Variants in PCMT1 observed in about 807,000 individuals in gnomAD.
The protein encoded by PCMT1 is protein-L-isoaspartate (D-aspartate) O-methyltransferase.
A neutral mutation model predicts 29.2 loss-of-function variants in PCMT1; 9 were observed. The observed-to-expected ratio is 0.31, with a 90% CI of 0.19 to 0.54. PCMT1 has a LOEUF of 0.54. Among genes scored for constraint, PCMT1 ranks in the 20% least tolerant of loss-of-function variants. PCMT1 has a pLI of 0.95. For missense variants in PCMT1, 184 were observed against 282.2 expected (o/e 0.65, Z 2.49); for synonymous variants, 98 against 97.5 (o/e 1.00, Z -0.03).
At chr6:149,796,554 G>T in intron 6 of PCMT1, 54 bp downstream of exon 6, 1 of 1,209,204 alleles carries the variant, frequency 8.3e-7, no homozygotes, top group South Asian at 1.3e-5. Context: ...AACTCTACAA[G>T]ACTTAAATAG....
rs1488074260 is a variant in PCMT1 at position 149,789,964 on chromosome 6, C to T, written c.203C>T (p.Ala68Val). 3.1e-6 allele frequency: 5 copies of T among 1,604,278 alleles called. No homozygotes were observed. The highest frequency in any genetic ancestry group is 1.1e-5 in the South Asian group (1 of 88,996). Residue 68 changes from alanine (A) to valine (V), a missense_variant, in exon 4 of 8, where the codon GCG becomes GTG. By Grantham distance (64) the Ala-to-Val change is moderately conservative. Coordinates refer to ENST00000464889, the MANE Select transcript of PCMT1 (RefSeq NM_001360452.2). ...TISAPHMHAY[A>V]LELLFDQLHE... ...GTTTTCTTTTGGCAGCATGCATATG[C>T]GCTAGAACTTCTATTTGATCAGTTG...
chr6:149,793,637 C>T lies in PCMT1; in HGVS notation c.386C>T (p.Thr129Ile), dbSNP rs771551236. 5 of 1,564,396 alleles carry T rather than the reference C, an allele frequency of 3.2e-6. No individual in the cohort carries two copies. In the African/African-American group the frequency reaches 4.2e-5, roughly 13 times the overall value. The change falls in exon 5 of 8, where the codon ACA becomes ATA. Residue 129 changes from threonine (T) to isoleucine (I), a missense_variant. Physicochemically the swap from Thr to Ile is moderately conservative, Grantham distance 89. Transcript: ENST00000464889. Reference sequence around the variant, plus strand: ...AATAATGTCAGGAAGGACGATCCAACACTTCTGTCTTCAGGGAGAGTACAG... The same window carrying T: ...AATAATGTCAGGAAGGACGATCCAATACTTCTGTCTTCAGGGAGAGTACAG... ...SVNNVRKDDP[T>I]LLSSGRVQLV... is the part of the protein sequence containing the mutation.
At chr6:149,750,267 T>C in intron 1 of PCMT1, 1 of 368,704 alleles carries the variant, frequency 2.7e-6, no homozygotes, top group Non-Finnish European at 4.9e-6. Flanking sequence ...GTCACTCAGG[T>C]CCGCGTCCGG....
At chr6:149,753,395 C>T (rs1343375155) in intron 1 of PCMT1, among the ~76,000 whole-genome samples, 3 of 151,848 alleles carry the variant, frequency 2.0e-5, no homozygotes, top group Non-Finnish European at 4.4e-5. Context: ...TGCAATGGCA[C>T]GATCTCAGCT....
At chr6:149,767,650 C>T (rs558704403) in intron 1 of PCMT1, among the ~76,000 whole-genome samples, 1 of 152,050 alleles carries the variant, frequency 6.6e-6, no homozygotes, top group South Asian at 2.1e-4. Context: ...GATGGGGTCT[C>T]TTCGTGTTGC....
At chr6:149,789,066 A>ATTTTTTTTTTTTT (rs56661461) in intron 3 of PCMT1, among the ~76,000 whole-genome samples, 2 of 90,476 alleles carry the variant, frequency 2.2e-5, no homozygotes, top group Non-Finnish European at 3.9e-5. Flanking sequence ...ATTGGATCTG[A>ATTTTTTTTTTTTT]TTTTTTTTTT....
At chr6:149,779,341 T>G (rs11155683) in intron 3 of PCMT1, among the ~76,000 whole-genome samples, 1 of 151,908 alleles carries the variant, frequency 6.6e-6, no homozygotes, top group East Asian at 1.9e-4. Flanking sequence ...CCCTAACTCC[T>G]GCCACAAACT....
At chr6:149,783,736 C>T (rs1366147038) in intron 3 of PCMT1, among the ~76,000 whole-genome samples, 3 of 152,012 alleles carry the variant, frequency 2.0e-5, no homozygotes, top group African/African-American at 7.3e-5. Flanking sequence ...GCTCTGTTGC[C>T]CAGGCTGGAG....
chr6:149,751,154 T>C (rs542658201), intron 1 of PCMT1, among the ~76,000 whole-genome samples: 1 of 152,114 alleles, frequency 6.6e-6, no homozygotes, highest in African/African-American at 2.4e-5. Context: ...CCATCTCTAC[T>C]AAAAATACAA....
chr6:149,767,567 C>T lies in PCMT1; in HGVS notation c.56-3595C>T, dbSNP rs77972092. Among the ~76,000 whole-genome samples the T allele has an allele frequency of 3.5e-3, 526 of 152,048 alleles. 2 individuals are homozygous for T. The highest frequency in any genetic ancestry group is 0.012 in the African/African-American group (498 of 41,466). ...TCCCAAGCTCAAGCAATCCTCCCAC[C>T]TCAGTCCCCTGAGTAGCTGGGTCTA... On this transcript the variant is annotated intron_variant, in intron 1 of 7. Transcript: ENST00000464889.
chr6:149,768,827 A>T (rs957656866), intron 1 of PCMT1, among the ~76,000 whole-genome samples: 2 of 151,872 alleles, frequency 1.3e-5, no homozygotes, highest in African/African-American at 4.8e-5. Flanking sequence ...GGGTTTCGCC[A>T]TGTTGGCCGT....
At chr6:149,810,283 T>C (rs1459925978) in intron 7 of PCMT1, among the ~76,000 whole-genome samples, 2 of 152,222 alleles carry the variant, frequency 1.3e-5, no homozygotes, top group African/African-American at 2.4e-5. Flanking sequence ...ACACTTAAGT[T>C]GTCATTTTAC....
At chr6:149,762,848 ATATATATC>A (rs1210083288) in intron 1 of PCMT1, among the ~76,000 whole-genome samples, 1 of 44,286 alleles carries the variant, frequency 2.3e-5, no homozygotes, top group Non-Finnish European at 3.1e-5. Flanking sequence ...TATATCTATG[ATATATATC>A]TATGATATAT....
rs1367933224 is a variant in PCMT1, at chr6:149,781,795, A to AG, written c.193-8158dup. On this transcript the variant is annotated intron_variant, in intron 3 of 7. Transcript: ENST00000464889. Reference sequence around the variant, plus strand: ...CTTAACCATTTTAAGTGTACCATTTAGTAGTGTTAAGTACATTTACATTGT... The same window carrying AG: ...CTTAACCATTTTAAGTGTACCATTTAGGTAGTGTTAAGTACATTTACATTGT... Among the ~76,000 whole-genome samples the AG allele has an allele frequency of 5.9e-5, 9 of 152,356 alleles. No individual in the cohort carries two copies. The East Asian group carries it at 1.7e-3, about 29-fold the overall frequency.
rs114842029 is a variant in PCMT1, at chr6:149,782,967, G to C, written c.193-6987G>C. ...GCCCAGGAGTTCAAGACCACCCTGGGCAACAAAGCAAGACCCTGACTCTAC... is the reference window on the plus strand; with the variant it reads ...GCCCAGGAGTTCAAGACCACCCTGGCCAACAAAGCAAGACCCTGACTCTAC... On this transcript the variant is annotated intron_variant, in intron 3 of 7. Transcript: ENST00000464889. 4.7e-3 allele frequency among the ~76,000 whole-genome samples: 714 copies of C among 152,058 alleles called. 5 individuals are homozygous for C. The highest frequency in any genetic ancestry group is 0.016 in the African/African-American group (676 of 41,462).
intron 3 of PCMT1, among the ~76,000 whole-genome samples, chr6:149,774,396 C>T (rs1451249412): frequency 2.0e-5 from 3 of 150,282 alleles, no homozygotes; most frequent in Middle Eastern, 3.6e-3. Flanking sequence ...CCCGCCACCA[C>T]ACTCAGCTTA....
chr6:149,772,028 A>C, intron 2 of PCMT1: 1 of 456,726 alleles, frequency 2.2e-6, no homozygotes, highest in South Asian at 1.5e-5. Context: ...TCCTGTATTT[A>C]ACTCCTTCTC....
intron 1 of PCMT1, among the ~76,000 whole-genome samples, chr6:149,751,900 G>T (rs2115187425): frequency 6.6e-6 from 1 of 151,696 alleles, no homozygotes; most frequent in East Asian, 1.9e-4. Context: ...TTTTAGACAG[G>T]GTTTCACTGT....
chr6:149,767,975 G>A (rs1787162201), intron 1 of PCMT1, among the ~76,000 whole-genome samples: 1 of 149,802 alleles, frequency 6.7e-6, no homozygotes, highest in Non-Finnish European at 1.5e-5. Context: ...TGTATTTTTA[G>A]TAGAGATAGG....
Sources: allele counts gnomAD v4.1 joint callset (sites outside exome capture counted in the v4.1 genomes callset), GRCh38; gene constraint gnomAD v4.1.1; transcripts MANE v1.5; gene names NCBI Gene and HGNC (gene_info 2026-07-23, HGNC 2026-07-21).